LONRF2: variants seen among roughly 807,000 people sequenced by gnomAD.
The protein encoded by LONRF2 is LON peptidase N-terminal domain and ring finger 2.
LONRF2 carries 35 observed loss-of-function variants against 66.6 expected under a neutral mutation model. That is an observed-to-expected ratio of 0.53 (90% CI 0.40 to 0.70). The LOEUF (loss-of-function observed/expected upper bound fraction) is 0.70, where lower values mean the gene tolerates loss of function less well. LONRF2 is among the 30% of genes least tolerant of loss of function. LONRF2 has a pLI of 0.00. For missense variants in LONRF2, 902 were observed against 1,002.1 expected, an observed-to-expected ratio of 0.90 and a Z score of 1.35; for synonymous variants, 417 against 418.1, an observed-to-expected ratio of 1.00 and a Z score of 0.03.
intron 1 of LONRF2, among the ~76,000 whole-genome samples, chr2:100,311,102 A>G (rs191731655): frequency 6.6e-6 from 1 of 152,310 alleles, no homozygotes; most frequent in East Asian, 1.9e-4. Context: ...ATGATTTTAA[A>G]TTGAGCATTT....
chr2:100,294,087 G>T, intron 9 of LONRF2, 142 bp downstream of exon 9: 1 of 877,514 alleles, frequency 1.1e-6, no homozygotes, highest in Non-Finnish European at 1.8e-6. Context: ...GGACTGCATT[G>T]TGGGCAGCCT....
intron 10 of LONRF2, among the ~76,000 whole-genome samples, chr2:100,288,493 T>C (rs1261514907): frequency 6.6e-6 from 1 of 152,252 alleles, no homozygotes; most frequent in African/African-American, 2.4e-5. Context: ...TGCTGCAGTA[T>C]AATTTACAGA....
At chr2:100,312,897 G>A (rs909153199) in intron 1 of LONRF2, among the ~76,000 whole-genome samples, 9 of 152,338 alleles carry the variant, frequency 5.9e-5, no homozygotes, top group Non-Finnish European at 1.0e-4. Flanking sequence ...ATTATTAAAA[G>A]TCTTTGTGTA....
At chr2:100,317,193 TC>T (rs1205421074) in intron 1 of LONRF2, among the ~76,000 whole-genome samples, 9 of 152,196 alleles carry the variant, frequency 5.9e-5, no homozygotes. Context: ...TTTTTCTATT[TC>T]TTTTCTAGTT....
Position 100,272,398 on chromosome 2 carries a change from T to C in LONRF2, c.*11900A>G, listed in dbSNP as rs1486355409. Reference sequence around the variant, plus strand: ...CCTGTGGTCCCAGCTACTCAGAAGGTTGAGGCAGGACAATCCTTTGAACCC... The same window carrying C: ...CCTGTGGTCCCAGCTACTCAGAAGGCTGAGGCAGGACAATCCTTTGAACCC... On this transcript the variant is annotated 3_prime_UTR_variant, in exon 12 of 12. Coordinates refer to ENST00000393437, the MANE Select transcript of LONRF2 (RefSeq NM_198461.4). Among the ~76,000 whole-genome samples, 1 of 152,016 alleles carries C rather than the reference T, an allele frequency of 6.6e-6. No individual in the cohort carries two copies. Among genetic ancestry groups the C allele is most frequent in the African/African-American group, 2.4e-5 (1 of 41,400 alleles).
chr2:100,317,605 C>T lies in LONRF2; in HGVS notation c.679+3810G>A, dbSNP rs188953249. Among the ~76,000 whole-genome samples, 200 of 152,260 alleles carry T rather than the reference C, an allele frequency of 1.3e-3. 2 individuals carry two copies. Among genetic ancestry groups the T allele is most frequent in the African/African-American group, 4.7e-3 (195 of 41,544 alleles). On this transcript the variant is annotated intron_variant, in intron 1 of 11. Transcript: ENST00000393437. ...TCCATATGGATACGTTTCCTTTAGC[C>T]TGAAGACTTTCCCTCAGTATATCAT...
Position 100,321,992 on chromosome 2 carries a change from GA to G in LONRF2, c.101del (p.Phe34SerfsTer17). The G allele has an allele frequency of 1.4e-6, 2 of 1,462,100 alleles. No individual in the cohort carries two copies. Among genetic ancestry groups the G allele is most frequent in the South Asian group, 2.6e-5 (2 of 76,186 alleles). The allele number at this position is 1,462,100 out of a possible 1,614,324, so 90.6% of individuals were successfully genotyped here. ...AQRLEEGDEAFRAGDYEMAAE... is the reference protein window; with the variant it reads ...AQRLEEGDEAXRAGDYEMAAE... The stretch of plus-strand genomic sequence containing the variant: ...CTGCCATCTCGTAGTCGCCCGCGCG[GA>G]AGGCCTCGTCGCCCTCCTCTAAGCG... On this transcript the variant is annotated frameshift_variant, in exon 1 of 12. Coordinates refer to ENST00000393437, the MANE Select transcript of LONRF2 (RefSeq NM_198461.4). LOFTEE classifies it high-confidence loss of function.
At chr2:100,302,851 G>A (rs1170245612) in intron 3 of LONRF2, 70 bp downstream of exon 3, 2 of 1,368,840 alleles carry the variant, frequency 1.5e-6, no homozygotes, top group Admixed American at 2.6e-5. Flanking sequence ...CACATGCAAG[G>A]GTTACTCAGC....
chr2:100,297,935 CATCTT>C (rs1213963974), intron 7 of LONRF2, among the ~76,000 whole-genome samples: 9 of 152,236 alleles, frequency 5.9e-5, no homozygotes, highest in South Asian at 2.1e-4. Flanking sequence ...TATAATATCT[CATCTT>C]ATCACATCAG....
chr2:100,272,207 A>G lies in LONRF2; in HGVS notation c.*12091T>C, dbSNP rs1559170631. Among the ~76,000 whole-genome samples, 1 of 152,256 alleles carries G rather than the reference A, an allele frequency of 6.6e-6. No individual in the cohort carries two copies. ...GTCCTAAGAAGAAAAAGATGATCAA[A>G]GAGTATGCAGGGTTAGGTGCAGTGG... is the stretch of plus-strand genomic sequence containing the variant. On this transcript the variant is annotated 3_prime_UTR_variant, in exon 12 of 12. Transcript: ENST00000393437.
chr2:100,306,280 A>G (rs1306791124), intron 2 of LONRF2, among the ~76,000 whole-genome samples: 1 of 151,536 alleles, frequency 6.6e-6, no homozygotes, highest in Admixed American at 6.6e-5. Flanking sequence ...AAAGTCCCCA[A>G]CTTTCATGTT....
chr2:100,290,421 C>G lies in LONRF2; in HGVS notation c.1758-1G>C. On this transcript the variant is annotated splice_acceptor_variant, in intron 9 of 11. Coordinates refer to ENST00000393437, the MANE Select transcript of LONRF2 (RefSeq NM_198461.4). LOFTEE classifies it high-confidence loss of function. ...CAGCATGCATCCATACTCTGAAAGC[C>G]TGAAAAGACAGTTAGGAGAAATGAC... The G allele has an allele frequency of 6.2e-7, 1 of 1,605,066 alleles. No homozygotes were observed. Among genetic ancestry groups the G allele is most frequent in the Non-Finnish European group, 8.5e-7 (1 of 1,176,892 alleles).
Position 100,284,042 on chromosome 2 carries a change from C to T in LONRF2, c.*256G>A, listed in dbSNP as rs189783734. On this transcript the variant is annotated 3_prime_UTR_variant, in exon 12 of 12. Coordinates refer to ENST00000393437, the MANE Select transcript of LONRF2 (RefSeq NM_198461.4). ...GTCAGTGAACTGCATTCCCCAAGCA[C>T]CTGCTTCTAAGAGATTTTCTTAGGT... The T allele has an allele frequency of 2.7e-6, 1 of 372,534 alleles. No individual in the cohort carries two copies. Among genetic ancestry groups the T allele is most frequent in the Non-Finnish European group, 4.9e-6 (1 of 205,936 alleles). 23.1% of individuals were successfully genotyped at this position (372,534 alleles called of 1,614,324 possible). A position where few individuals can be genotyped will look rare whatever the true frequency, so the allele number is the denominator to read the frequency against.
rs1284098826 is a variant in LONRF2 at position 100,272,314 on chromosome 2, C to T, written c.*11984G>A. On this transcript the variant is annotated 3_prime_UTR_variant, in exon 12 of 12. Coordinates refer to ENST00000393437, the MANE Select transcript of LONRF2 (RefSeq NM_198461.4). ...AGGAATTTGAGACCAGCTTGGGCAA[C>T]ACAGCTAGACCTCGTCTCCATAGAA... Among the ~76,000 whole-genome samples the T allele has an allele frequency of 6.6e-6, 1 of 152,096 alleles. No individual in the cohort carries two copies.
At chr2:100,295,923 AT>A (rs1675057656) in intron 7 of LONRF2, among the ~76,000 whole-genome samples, 1 of 152,236 alleles carries the variant, frequency 6.6e-6, no homozygotes, top group South Asian at 2.1e-4. Context: ...TAGAGAAAGA[AT>A]GTAAGAATGA....
intron 7 of LONRF2, among the ~76,000 whole-genome samples, chr2:100,295,919 A>G (rs1675057591): frequency 6.6e-6 from 1 of 152,224 alleles, no homozygotes; most frequent in Admixed American, 6.5e-5. Context: ...CTACTAGAGA[A>G]AGAATGTAAG....
intron 2 of LONRF2, among the ~76,000 whole-genome samples, chr2:100,304,538 CTT>C (rs1205814348): frequency 6.6e-6 from 1 of 151,514 alleles, no homozygotes; most frequent in South Asian, 2.1e-4. Flanking sequence ...CAATTTAACT[CTT>C]TGAACTTATG....
At chr2:100,299,383 G>A (rs1675132952) in intron 5 of LONRF2, 64 bp from the exon 6 acceptor site, 3 of 974,078 alleles carry the variant, frequency 3.1e-6, no homozygotes, top group Non-Finnish European at 4.5e-6. Flanking sequence ...CAGCATGCAA[G>A]AAATGTATTT....
Position 100,321,479 on chromosome 2 carries a change from C to T in LONRF2, c.615G>A (p.Arg205=). Residue 205 remains arginine, a synonymous_variant, in exon 1 of 12, where the codon CGG becomes CGA. Coordinates refer to ENST00000393437, the MANE Select transcript of LONRF2 (RefSeq NM_198461.4). ...CCGGCTGCTGCTGGCGCTGCAGGCT[C>T]CGCGCCTGGCCTGCCAGCCTGCGCA... The part of the protein sequence containing the change: ...CRLRRLAGQA[R]SLQRQQQPEA... 1 of 1,516,828 alleles carries T rather than the reference C, an allele frequency of 6.6e-7. No homozygotes were observed. Among genetic ancestry groups the T allele is most frequent in the Non-Finnish European group, 8.7e-7 (1 of 1,144,078 alleles). The allele number at this position is 1,516,828 out of a possible 1,614,324, so 94.0% of individuals were successfully genotyped here.
Sources: gnomAD v4.1 joint callset for allele counts (sites outside exome capture counted in the v4.1 genomes callset) on GRCh38, gnomAD v4.1.1 for gene constraint, MANE v1.5 for transcripts, NCBI Gene and HGNC (gene_info 2026-07-23, HGNC 2026-07-21) for gene names.